PLAU: variants seen among roughly 807,000 people sequenced by gnomAD.
PLAU encodes urokinase-type plasminogen activator.
A neutral mutation model predicts 48.9 loss-of-function variants in PLAU; 32 were observed. The observed-to-expected ratio is 0.65, with a 90% CI of 0.49 to 0.88. PLAU has a LOEUF of 0.88. PLAU is among the 40% of genes least tolerant of loss of function. The pLI is 0.00. For missense variants in PLAU, 455 were observed against 545.2 expected (o/e 0.83, Z 1.65); for synonymous variants, 199 against 205.7 (o/e 0.97, Z 0.28).
intron 8 of PLAU, among the ~76,000 whole-genome samples, chr10:73,914,404 C>A (rs192311262): frequency 2.5e-4 from 38 of 152,310 alleles, no homozygotes; most frequent in Admixed American, 4.6e-4. Context: ...TGGGAAGGCC[C>A]TGTTTATATG....
rs922710485 is a variant in PLAU, at chr10:73,916,781, G to A, written c.*216G>A. On this transcript the variant is annotated 3_prime_UTR_variant, in exon 11 of 11. Transcript: ENST00000372764. ...AGACCCCTCTGGCCAGGATGGAGGG[G>A]TGGTCCTGACTCAACATGTTACTGA... 10 of 556,960 alleles carry A rather than the reference G, an allele frequency of 1.8e-5. No individual in the cohort carries two copies. The highest frequency in any genetic ancestry group is 5.7e-5 in the African/African-American group (3 of 52,778). The allele number at this position is 556,960 out of a possible 1,614,324, so 34.5% of individuals were successfully genotyped here.
intron 9 of PLAU, 56 bp downstream of exon 9, chr10:73,914,972 A>G (rs1222874743): frequency 1.3e-6 from 2 of 1,582,364 alleles, no homozygotes; most frequent in Non-Finnish European, 1.7e-6. Flanking sequence ...TGACCTGAAA[A>G]TGAGCCCAGC....
chr10:73,909,591 G>A (rs1460085433), upstream of PLAU, among the ~76,000 whole-genome samples: 1 of 152,164 alleles, frequency 6.6e-6, no homozygotes, highest in African/African-American at 2.4e-5. Context: ...CAGAGCAAAG[G>A]AGCCTTCCTC....
At position 73,916,433 on chromosome 10, in the gene PLAU, G is replaced by T; in HGVS notation, c.1164G>T (p.Met388Ile). 1 of 1,613,836 alleles carries T rather than the reference G, an allele frequency of 6.2e-7. No homozygotes were observed. Among genetic ancestry groups the T allele is most frequent in the Non-Finnish European group, 8.5e-7 (1 of 1,179,870 alleles). ...GPLVCSLQGR[M>I]TLTGIVSWGR... ...TCGTCTGTTCCCTCCAAGGCCGCATGACTTTGACTGGAATTGTGAGCTGGG... is the reference window on the plus strand; with the variant it reads ...TCGTCTGTTCCCTCCAAGGCCGCATTACTTTGACTGGAATTGTGAGCTGGG... The change falls in exon 11 of 11, where the codon ATG (methionine) becomes ATT (isoleucine). Residue 388 changes from methionine to isoleucine, a missense_variant. Coordinates refer to ENST00000372764, the MANE Select transcript of PLAU (RefSeq NM_002658.6).
upstream of PLAU, chr10:73,909,906 GTA>G: frequency 6.9e-6 from 1 of 144,330 alleles, no homozygotes; most frequent in South Asian, 2.2e-4. Context: ...GTGTGTGTGT[GTA>G]TACACAAATG....
In PLAU at chr10:73,914,680, G is replaced by A. The variant is rs1040971434; in HGVS notation, c.830-96G>A. 2.5e-6 allele frequency: 3 copies of A among 1,220,846 alleles called. No homozygotes were observed. In the Admixed American group the frequency reaches 6.4e-5, roughly 26 times the overall value. 75.6% of individuals were successfully genotyped at this position (1,220,846 alleles called of 1,614,324 possible). On this transcript the variant is annotated intron_variant, in intron 8 of 10. Coordinates refer to ENST00000372764, the MANE Select transcript of PLAU (RefSeq NM_002658.6). ...GACCTCCCTGGATGACTGACCTAGG[G>A]ATAGGCATAGCTACTTCCTCGGCAC...
intron 9 of PLAU, 59 bp from the exon 10 acceptor site, chr10:73,915,192 C>G (rs1186279221): frequency 6.5e-7 from 1 of 1,530,504 alleles, no homozygotes. Context: ...CCCTCTCTGG[C>G]AGACTCCCAG....
chr10:73,911,448 C>T, intron 1 of PLAU, 77 bp from the exon 2 acceptor site: 1 of 1,407,216 alleles, frequency 7.1e-7, no homozygotes, highest in Non-Finnish European at 9.7e-7. Context: ...GCGGGCATCT[C>T]CCCTGCGCTG....
intron 2 of PLAU, 138 bp downstream of exon 2, chr10:73,911,750 A>G: frequency 6.4e-7 from 1 of 1,553,040 alleles, no homozygotes; most frequent in South Asian, 1.2e-5. Context: ...GAAATGGGAC[A>G]GGGTGGCAGC....
In PLAU at chr10:73,915,460, T is replaced by C; in HGVS notation, c.1119+61T>C. On this transcript the variant is annotated intron_variant, in intron 10 of 10. Transcript: ENST00000372764. The stretch of plus-strand genomic sequence containing the variant: ...TATCTCCCCAGAGCTCCTGGGCTTG[T>C]TCCAGCCAGCTTAAGGGTGTCTCTC... The C allele has an allele frequency of 2.0e-6, 3 of 1,494,540 alleles. 1 individual carries two copies. The highest frequency in any genetic ancestry group is 2.7e-6 in the Non-Finnish European group (3 of 1,108,588). 92.6% of individuals were successfully genotyped at this position (1,494,540 alleles called of 1,614,324 possible).
chr10:73,916,237 T>C, intron 10 of PLAU, 152 bp from the exon 11 acceptor site: 1 of 701,820 alleles, frequency 1.4e-6, no homozygotes, highest in Non-Finnish European at 2.4e-6. Flanking sequence ...AGCGAGATTC[T>C]GTCCTCCCCC....
rs1591613007 is a variant in PLAU at position 73,911,620 on chromosome 10, C to A, written c.57+8C>A. 6.2e-7 allele frequency: 1 copy of A among 1,613,678 alleles called. No individual in the cohort carries two copies. The highest frequency in any genetic ancestry group is 8.5e-7 in the Non-Finnish European group (1 of 1,179,922). On this transcript the variant is annotated splice_region_variant and intron_variant, in intron 2 of 10. Coordinates refer to ENST00000372764, the MANE Select transcript of PLAU (RefSeq NM_002658.6). ...GTCGTGAGCGACTCCAAAGTGAGTGCGCTCTTGCTTTGACTGATGCTGCCC... is the reference window on the plus strand; with the variant it reads ...GTCGTGAGCGACTCCAAAGTGAGTGAGCTCTTGCTTTGACTGATGCTGCCC...
At chr10:73,911,638 T>C in intron 2 of PLAU, 26 bp downstream of exon 2, 1 of 1,613,392 alleles carries the variant, frequency 6.2e-7, no homozygotes, top group Non-Finnish European at 8.5e-7. Context: ...CTTTGACTGA[T>C]GCTGCCCAAG....
intron 7 of PLAU, 61 bp from the exon 8 acceptor site, chr10:73,913,919 G>A: frequency 6.5e-7 from 1 of 1,542,848 alleles, no homozygotes; most frequent in South Asian, 1.1e-5. Flanking sequence ...CTCTAGGGAG[G>A]GAAGGAAGAA....
intron 2 of PLAU, 157 bp from the exon 3 acceptor site, chr10:73,911,884 G>A (rs1388094483): frequency 2.6e-6 from 4 of 1,561,230 alleles, no homozygotes; most frequent in African/African-American, 2.7e-5. Flanking sequence ...TCTCCTGGCT[G>A]GAAACCCATG....
Position 73,913,254 on chromosome 10 carries a change from G to A in PLAU, c.369-36G>A, listed in dbSNP as rs2227563. Reference sequence around the variant, plus strand: ...GGAGGAGGCAGGGAAGGCCCTCTGGGTTGGAATGACATCCCCTATCTTTCT... The same window carrying A: ...GGAGGAGGCAGGGAAGGCCCTCTGGATTGGAATGACATCCCCTATCTTTCT... On this transcript the variant is annotated intron_variant, in intron 5 of 10. Transcript: ENST00000372764. 2.2e-5 allele frequency: 36 copies of A among 1,608,534 alleles called. No individual in the cohort carries two copies. In the African/African-American group the frequency reaches 3.9e-4, roughly 17 times the overall value.
At chr10:73,913,177 G>A in intron 5 of PLAU, 79 bp downstream of exon 5, 2 of 1,580,894 alleles carry the variant, frequency 1.3e-6, no homozygotes, top group Admixed American at 1.7e-5. Context: ...TCTCCCAGAG[G>A]GCTGGCCATA....
rs1312363214 is a variant in PLAU at position 73,911,512 on chromosome 10, C to T, written c.-31-13C>T. Reference sequence around the variant, plus strand: ...TCCTCCGCCTCTTGCCCTGACTTCTCCTTCCTTTGCAGAGCCGCCGTCTAG... The same window carrying T: ...TCCTCCGCCTCTTGCCCTGACTTCTTCTTCCTTTGCAGAGCCGCCGTCTAG... On this transcript the variant is annotated splice_polypyrimidine_tract_variant and intron_variant, in intron 1 of 10. Transcript: ENST00000372764. 4 of 1,602,096 alleles carry T rather than the reference C, an allele frequency of 2.5e-6. No individual in the cohort carries two copies. Among genetic ancestry groups the T allele is most frequent in the South Asian group, 1.1e-5 (1 of 89,856 alleles).
intron 8 of PLAU, 105 bp downstream of exon 8, chr10:73,914,233 G>C: frequency 1.7e-6 from 2 of 1,185,732 alleles, no homozygotes; most frequent in South Asian, 2.7e-5. Context: ...GGCAGGGGTG[G>C]GGCGAGGGAC....
Sources: allele counts gnomAD v4.1 joint callset (sites outside exome capture counted in the v4.1 genomes callset), GRCh38; gene constraint gnomAD v4.1.1; transcripts MANE v1.5; gene names NCBI Gene and HGNC (gene_info 2026-07-23, HGNC 2026-07-21).